ZFTRAF1: variants seen among roughly 807,000 people sequenced by gnomAD.
ZFTRAF1 encodes the protein zinc finger TRAF-type and ring finger containing 1.
the ZFTRAF1 span, chr8:144,450,721 G>A: frequency 1.4e-6 from 1 of 713,528 alleles, no homozygotes; most frequent in Admixed American, 2.0e-5. Context: ...GCGTCTCATA[G>A]TACAGGCGCG....
At chr8:144,451,645 G>A in the ZFTRAF1 span, 5 of 155,270 alleles carry the variant, frequency 3.2e-5, no homozygotes, top group South Asian at 4.0e-4. Context: ...AGAGTAGAGG[G>A]ATGGAGCTTC....
the ZFTRAF1 span, chr8:144,454,358 G>A: frequency 6.6e-6 from 1 of 152,358 alleles, no homozygotes; most frequent in South Asian, 2.1e-4. Context: ...AGAGGTCCAA[G>A]AACAAACAAA....
the ZFTRAF1 span, chr8:144,462,167 G>C: frequency 3.0e-3 from 1,114 of 371,286 alleles, 11 homozygotes; most frequent in African/African-American, 0.023. Context: ...GCCAGAGAGG[G>C]TTCCCGGCCG....
the ZFTRAF1 span, among the ~76,000 whole-genome samples, chr8:144,458,238 C>T: frequency 3.9e-5 from 6 of 152,236 alleles, no homozygotes; most frequent in African/African-American, 1.4e-4. Flanking sequence ...AGACCTCAAA[C>T]GGTGGCCAAT....
the ZFTRAF1 span, among the ~76,000 whole-genome samples, chr8:144,459,402 C>T: frequency 3.9e-5 from 6 of 152,272 alleles, no homozygotes; most frequent in Non-Finnish European, 5.9e-5. Context: ...ACACAGAGAA[C>T]ATAAAAGCTG....
chr8:144,451,915 G>A, the ZFTRAF1 span: 2 of 263,768 alleles, frequency 7.6e-6, no homozygotes, highest in South Asian at 8.5e-5. Flanking sequence ...CCCATGGCCG[G>A]GGCAGTGACT....
chr8:144,452,510 C>A, the ZFTRAF1 span: 2 of 1,543,708 alleles, frequency 1.3e-6, no homozygotes, highest in Admixed American at 2.0e-5. Context: ...CGTGCACCGT[C>A]AGCTCATGGA....
chr8:144,453,606 G>A, the ZFTRAF1 span: 1 of 698,766 alleles, frequency 1.4e-6, no homozygotes, highest in Non-Finnish European at 2.4e-6. Context: ...GAGTCGTGCT[G>A]GAGTGTGGTG....
chr8:144,453,161 G>A, the ZFTRAF1 span: 2 of 1,451,438 alleles, frequency 1.4e-6, no homozygotes, highest in African/African-American at 2.8e-5. Flanking sequence ...TGCTGCACCA[G>A]GGTGGGCTCC....
At chr8:144,459,421 T>C in the ZFTRAF1 span, among the ~76,000 whole-genome samples, 6 of 152,256 alleles carry the variant, frequency 3.9e-5, no homozygotes, top group Non-Finnish European at 7.3e-5. Context: ...TGAGTCTTGC[T>C]GTACTGGCTG....
chr8:144,461,300 T>TGACA, the ZFTRAF1 span, among the ~76,000 whole-genome samples: 2 of 152,176 alleles, frequency 1.3e-5, no homozygotes, highest in Non-Finnish European at 2.9e-5. Context: ...TAAAGAAAGC[T>TGACA]GACAGAGAAC....
chr8:144,451,917 G>A, the ZFTRAF1 span: 1 of 264,864 alleles, frequency 3.8e-6, no homozygotes, highest in Non-Finnish European at 7.6e-6. Flanking sequence ...CATGGCCGGG[G>A]CAGTGACTGC....
chr8:144,452,527 C>T, the ZFTRAF1 span: 2 of 1,541,254 alleles, frequency 1.3e-6, no homozygotes, highest in Non-Finnish European at 1.7e-6. Context: ...TGGAAGGGGC[C>T]GTGCCATGGG....
the ZFTRAF1 span, chr8:144,462,308 T>C: frequency 1.7e-6 from 1 of 599,396 alleles, no homozygotes; most frequent in Non-Finnish European, 3.0e-6. Context: ...CTTGGGCAGG[T>C]CCAGGCACAC....
the ZFTRAF1 span, among the ~76,000 whole-genome samples, chr8:144,458,163 A>G: frequency 2.0e-5 from 3 of 152,238 alleles, no homozygotes; most frequent in African/African-American, 4.8e-5. Context: ...GCTGTTAAGC[A>G]TGAAGCCAGG....
the ZFTRAF1 span, chr8:144,462,196 G>A: frequency 4.5e-6 from 2 of 447,474 alleles, no homozygotes; most frequent in African/African-American, 2.2e-5. Flanking sequence ...CGCAGGCCTG[G>A]CCTCCGAGGA....
chr8:144,461,361 A>G, the ZFTRAF1 span, among the ~76,000 whole-genome samples: 1 of 152,224 alleles, frequency 6.6e-6, no homozygotes, highest in African/African-American at 2.4e-5. Context: ...GGAAAGACAC[A>G]GGGAAGGTGG....
At chr8:144,451,238 G>A in the ZFTRAF1 span, 2 of 165,888 alleles carry the variant, frequency 1.2e-5, no homozygotes, top group East Asian at 1.6e-4. Context: ...TGCAGGCACC[G>A]GGCCTGATCC....
chr8:144,453,527 T>C, the ZFTRAF1 span: 3 of 1,392,534 alleles, frequency 2.2e-6, no homozygotes, highest in South Asian at 1.4e-5. Context: ...CACCCGCCCA[T>C]GCCCATCAGC....
Sources: allele counts gnomAD v4.1 joint callset (sites outside exome capture counted in the v4.1 genomes callset), GRCh38; gene constraint gnomAD v4.1.1; transcripts MANE v1.5; gene names NCBI Gene and HGNC (gene_info 2026-07-23, HGNC 2026-07-21).